Variants in LEPR observed in about 807,000 individuals in gnomAD.
The protein encoded by LEPR is OB receptor.
In LEPR, 56 loss-of-function variants were observed where a neutral mutation model predicts 114.7. That is an observed-to-expected ratio of 0.49 (90% CI 0.39 to 0.61). The LOEUF is 0.61. Among genes scored for constraint, LEPR ranks in the 20% least tolerant of loss-of-function variants. LEPR has a pLI of 0.00. For synonymous variants in LEPR, 443 were observed against 461.4 expected (o/e 0.96, Z 0.51); for missense variants, 1,202 against 1,352.9 (o/e 0.89, Z 1.75).
intron 2 of LEPR, among the ~76,000 whole-genome samples, chr1:65,480,274 G>T (rs1391473292): frequency 6.6e-6 from 1 of 152,168 alleles, no homozygotes; most frequent in Non-Finnish European, 1.5e-5. Flanking sequence ...TATCGAGATG[G>T]TTTTTGAGGA....
rs191636207 is a variant in LEPR, at chr1:65,538,925, C to A, written c.-20-26621C>A. On this transcript the variant is annotated intron_variant, in intron 2 of 19. Coordinates refer to ENST00000349533, the MANE Select transcript of LEPR (RefSeq NM_002303.6). ...CTGGAAACACTTGTGCCTTTTATCGCTGGGAAATTTTCTTGTATTTTTTTT... is the reference window on the plus strand; with the variant it reads ...CTGGAAACACTTGTGCCTTTTATCGATGGGAAATTTTCTTGTATTTTTTTT... 8.1e-4 allele frequency among the ~76,000 whole-genome samples: 123 copies of A among 151,990 alleles called. 1 individual carries two copies. The highest frequency in any genetic ancestry group is 3.5e-3 in the South Asian group (17 of 4,824).
At position 65,637,652 on chromosome 1, in the gene LEPR, A is replaced by T. The variant is rs1474336237; in HGVS notation, c.*637A>T. Reference sequence around the variant, plus strand: ...CAAGCACTTTTGAAAACATAATGTCAGTTTTAATTCTTCTCTCTGAAAGAT... The same window carrying T: ...CAAGCACTTTTGAAAACATAATGTCTGTTTTAATTCTTCTCTCTGAAAGAT... On this transcript the variant is annotated 3_prime_UTR_variant, in exon 20 of 20. Coordinates refer to ENST00000349533, the MANE Select transcript of LEPR (RefSeq NM_002303.6). The T allele has an allele frequency of 6.6e-6, 1 of 152,244 alleles. No homozygotes were observed. Among genetic ancestry groups the T allele is most frequent in the Non-Finnish European group, 1.5e-5 (1 of 68,066 alleles). The allele number at this position is 152,244 out of a possible 1,614,324, so 9.4% of individuals were successfully genotyped here.
chr1:65,432,834 T>C, intron 2 of LEPR: 1 of 642,424 alleles, frequency 1.6e-6, no homozygotes, highest in Non-Finnish European at 1.9e-6. Flanking sequence ...AAAAGTTAAA[T>C]ATTTGAGATC....
At chr1:65,550,993 G>A (rs192653578) in intron 2 of LEPR, among the ~76,000 whole-genome samples, 1 of 152,082 alleles carries the variant, frequency 6.6e-6, no homozygotes, top group East Asian at 1.9e-4. Flanking sequence ...TTTGTCATTG[G>A]TTCTGTTTAT....
At chr1:65,556,434 A>T (rs1409888314) in intron 2 of LEPR, among the ~76,000 whole-genome samples, 1 of 151,990 alleles carries the variant, frequency 6.6e-6, no homozygotes, top group Non-Finnish European at 1.5e-5. Flanking sequence ...TGTGCATTAC[A>T]TTTATTTATC....
intron 2 of LEPR, among the ~76,000 whole-genome samples, chr1:65,449,010 C>T (rs1248448254): frequency 6.6e-6 from 1 of 152,190 alleles, no homozygotes; most frequent in Non-Finnish European, 1.5e-5. Context: ...TCTCTTGCCT[C>T]AACCTCCCCA....
intron 2 of LEPR, among the ~76,000 whole-genome samples, chr1:65,426,113 AG>A (rs1646358549): frequency 6.6e-6 from 1 of 152,180 alleles, no homozygotes; most frequent in East Asian, 1.9e-4. Flanking sequence ...GTGGTCAGGG[AG>A]GGCCTCTCAG....
At chr1:65,550,252 C>T (rs1039592305) in intron 2 of LEPR, among the ~76,000 whole-genome samples, 4 of 152,166 alleles carry the variant, frequency 2.6e-5, no homozygotes, top group Non-Finnish European at 4.4e-5. Context: ...TTAGGCTGCT[C>T]GGGGGTCAGG....
intron 2 of LEPR, among the ~76,000 whole-genome samples, chr1:65,518,873 T>TTCTTTTTCTTTCTTTCTTTC (rs763024512): frequency 3.4e-5 from 4 of 117,322 alleles, no homozygotes; most frequent in South Asian, 6.0e-4. Flanking sequence ...CTTTCTTTCT[T>TTCTTTTTCTTTCTTTCTTTC]TTTCTTTCTT....
At chr1:65,553,253 T>A (rs577271419) in intron 2 of LEPR, among the ~76,000 whole-genome samples, 2 of 152,328 alleles carry the variant, frequency 1.3e-5, no homozygotes, top group East Asian at 3.9e-4. Context: ...TGAATTTGAA[T>A]GTTGGCCTGT....
chr1:65,447,629 C>T (rs1646730774), intron 2 of LEPR, among the ~76,000 whole-genome samples: 1 of 151,320 alleles, frequency 6.6e-6, no homozygotes, highest in Admixed American at 6.6e-5. Flanking sequence ...GCCTCCTGGG[C>T]TCAGGTGATC....
chr1:65,461,253 G>A (rs1358347734), intron 2 of LEPR, among the ~76,000 whole-genome samples: 1 of 152,174 alleles, frequency 6.6e-6, no homozygotes, highest in East Asian at 1.9e-4. Context: ...GGGATTACAG[G>A]CGTGAGCCAC....
chr1:65,525,992 C>T (rs1038927801), intron 2 of LEPR: 76 of 751,184 alleles, frequency 1.0e-4, no homozygotes, highest in Non-Finnish European at 1.2e-4. Flanking sequence ...GCCCGGCGGG[C>T]GGCGGGGGTG....
intron 2 of LEPR, among the ~76,000 whole-genome samples, chr1:65,530,264 C>T (rs1455455896): frequency 6.6e-6 from 1 of 152,168 alleles, no homozygotes; most frequent in Non-Finnish European, 1.5e-5. Context: ...ATTCTCTGTG[C>T]TCTATCTTCA....
chr1:65,510,359 T>C (rs908963578), intron 2 of LEPR, among the ~76,000 whole-genome samples: 7 of 152,134 alleles, frequency 4.6e-5, no homozygotes, highest in Non-Finnish European at 1.0e-4. Context: ...TGAGGAGAGA[T>C]CCTTAGGTAA....
intron 6 of LEPR, among the ~76,000 whole-genome samples, chr1:65,594,091 G>GA (rs969472432): frequency 2.0e-5 from 3 of 151,866 alleles, no homozygotes; most frequent in South Asian, 2.1e-4. Flanking sequence ...TATGTTCCAT[G>GA]AAAAAAATAA....
chr1:65,572,313 TTTTTA>T lies in LEPR; in HGVS notation c.371-12_371-8del. ...TTGTTTTTTTTTTTTTTTTTTTTTT[TTTTTA>T]AATTCAGATGCAAACTGGAACATAC... On this transcript the variant is annotated splice_region_variant and splice_polypyrimidine_tract_variant and intron_variant, in intron 4 of 19. Transcript: ENST00000349533. 6.8e-7 allele frequency: 1 copy of T among 1,468,754 alleles called. No individual in the cohort carries two copies. Among genetic ancestry groups the T allele is most frequent in the Non-Finnish European group, 9.0e-7 (1 of 1,112,532 alleles). 91.0% of individuals were successfully genotyped at this position (1,468,754 alleles called of 1,614,324 possible).
intron 2 of LEPR, among the ~76,000 whole-genome samples, chr1:65,539,706 C>T (rs1256475033): frequency 2.0e-5 from 3 of 152,346 alleles, no homozygotes; most frequent in Middle Eastern, 3.4e-3. Flanking sequence ...CCCAAGCTTC[C>T]TGGCAGTCTG....
At chr1:65,544,288 T>C (rs1013850819) in intron 2 of LEPR, among the ~76,000 whole-genome samples, 1 of 152,056 alleles carries the variant, frequency 6.6e-6, no homozygotes, top group African/African-American at 2.4e-5. Flanking sequence ...CACACATTGA[T>C]TTTGTATCCT....
Sources: gnomAD v4.1 joint callset for allele counts (sites outside exome capture counted in the v4.1 genomes callset) on GRCh38, gnomAD v4.1.1 for gene constraint, MANE v1.5 for transcripts, NCBI Gene and HGNC (gene_info 2026-07-23, HGNC 2026-07-21) for gene names.